The following RBMS3 variants were observed in gnomAD, a reference collection of about 807,000 sequenced individuals.
RBMS3 encodes RNA-binding motif, single-stranded-interacting protein 3.
RBMS3 carries 27 observed loss-of-function variants against 66.8 expected under a neutral mutation model. That is an observed-to-expected ratio of 0.40 (90% CI 0.30 to 0.56). RBMS3 has a LOEUF of 0.56. RBMS3 is among the 20% of genes least tolerant of loss of function. The pLI is 0.40. For synonymous variants in RBMS3, 188 were observed against 183.0 expected (o/e 1.03, Z -0.22); for missense variants, 513 against 549.5 (o/e 0.93, Z 0.66).
intron 6 of RBMS3, among the ~76,000 whole-genome samples, chr3:29,778,726 G>T (rs1464582845): frequency 1.3e-5 from 2 of 151,738 alleles, no homozygotes; most frequent in Non-Finnish European, 3.0e-5. Context: ...TTCCCCTTTG[G>T]TAAAATGGGA....
At chr3:29,807,745 T>C (rs574597568) in intron 6 of RBMS3, among the ~76,000 whole-genome samples, 46 of 134,480 alleles carry the variant, frequency 3.4e-4, no homozygotes, top group African/African-American at 1.2e-3. Flanking sequence ...CTCAATCTCA[T>C]TGTAAAAATA....
At position 30,004,308 on chromosome 3, in the gene RBMS3, C is replaced by G. The variant is rs11923737; in HGVS notation, c.*446C>G. The G allele has an allele frequency of 3.3e-3, 504 of 151,954 alleles. 1 individual carries two copies. Among genetic ancestry groups the G allele is most frequent in the African/African-American group, 0.011 (458 of 41,180 alleles). 9.4% of individuals were successfully genotyped at this position (151,954 alleles called of 1,614,324 possible). ...ATAATTAAGCTACTTTCTCTTTTTC[C>G]CTTCTTGTTTTAATCTAGTGGGTTT... On this transcript the variant is annotated 3_prime_UTR_variant, in exon 15 of 15. Transcript: ENST00000383767.
At chr3:29,366,163 AT>A (rs1371107881) in intron 1 of RBMS3, among the ~76,000 whole-genome samples, 4 of 152,168 alleles carry the variant, frequency 2.6e-5, no homozygotes, top group African/African-American at 7.2e-5. Context: ...AGTCAGGTTT[AT>A]TTTTTTCATA....
At chr3:29,775,662 C>T (rs1171015765) in intron 6 of RBMS3, among the ~76,000 whole-genome samples, 4 of 152,038 alleles carry the variant, frequency 2.6e-5, no homozygotes, top group African/African-American at 9.7e-5. Context: ...GTTCATCTTA[C>T]ATCTGGACTT....
intron 6 of RBMS3, among the ~76,000 whole-genome samples, chr3:29,790,173 A>G (rs769426958): frequency 9.9e-5 from 15 of 152,196 alleles, no homozygotes; most frequent in Admixed American, 6.5e-5. Context: ...TAGAGAAAAT[A>G]CTTTTTGCTC....
chr3:29,921,827 T>G (rs1222156268), intron 10 of RBMS3, among the ~76,000 whole-genome samples: 1 of 152,178 alleles, frequency 6.6e-6, no homozygotes, highest in East Asian at 1.9e-4. Context: ...TTTAGAGTTA[T>G]TTCCTTCCTA....
chr3:29,680,696 T>C (rs74994214), intron 4 of RBMS3, among the ~76,000 whole-genome samples: 4,421 of 152,214 alleles, frequency 0.029, 200 homozygotes, highest in African/African-American at 0.099. Flanking sequence ...CAATGAACCT[T>C]TTACTATTCT....
intron 3 of RBMS3, among the ~76,000 whole-genome samples, chr3:29,585,897 A>G (rs1308672945): frequency 6.6e-6 from 1 of 152,120 alleles, no homozygotes. Context: ...TCATTTTACG[A>G]TAACATGCTG....
intron 1 of RBMS3, among the ~76,000 whole-genome samples, chr3:29,286,128 A>G (rs143581598): frequency 9.2e-5 from 14 of 152,278 alleles, no homozygotes; most frequent in African/African-American, 3.1e-4. Context: ...TTTTAGGTAC[A>G]ACTCCAAATA....
At chr3:29,670,214 T>G (rs1323603119) in intron 4 of RBMS3, among the ~76,000 whole-genome samples, 4 of 152,208 alleles carry the variant, frequency 2.6e-5, no homozygotes, top group Non-Finnish European at 5.9e-5. Flanking sequence ...CCTTCCCCCA[T>G]CTATAAATCT....
At chr3:29,909,905 A>C (rs2060474951) in intron 10 of RBMS3, among the ~76,000 whole-genome samples, 1 of 152,146 alleles carries the variant, frequency 6.6e-6, no homozygotes, top group African/African-American at 2.4e-5. Flanking sequence ...AACAGCAGGC[A>C]CAGCATTCTG....
chr3:29,582,195 T>TAGATAC (rs1553625660), intron 3 of RBMS3, among the ~76,000 whole-genome samples: 1 of 150,524 alleles, frequency 6.6e-6, no homozygotes, highest in African/African-American at 2.4e-5. Flanking sequence ...GATAGATAGA[T>TAGATAC]ACACACACAC....
At chr3:29,405,212 A>G (rs1018170158) in intron 1 of RBMS3, among the ~76,000 whole-genome samples, 2 of 152,164 alleles carry the variant, frequency 1.3e-5, no homozygotes, top group Non-Finnish European at 2.9e-5. Context: ...GGAAACTTTT[A>G]TGTTCTCTCT....
At chr3:29,718,803 A>G (rs2053519989) in intron 4 of RBMS3, among the ~76,000 whole-genome samples, 1 of 152,218 alleles carries the variant, frequency 6.6e-6, no homozygotes, top group African/African-American at 2.4e-5. Context: ...AGCCTCTGCA[A>G]TCCTGACCTG....
chr3:29,984,962 C>A (rs990519341), intron 12 of RBMS3, among the ~76,000 whole-genome samples: 1 of 152,208 alleles, frequency 6.6e-6, no homozygotes, highest in Non-Finnish European at 1.5e-5. Context: ...TCAGAGCCAG[C>A]AGGCAGGAAC....
Position 29,431,301 on chromosome 3 carries a change from CT to C in RBMS3, c.76-3430del, listed in dbSNP as rs548031550. The stretch of plus-strand genomic sequence containing the variant: ...TGTTTCTTTCTTTCTTTTTCCTTTT[CT>C]TTTTTTTTTTTGACAGAGTCTCACT... On this transcript the variant is annotated intron_variant, in intron 1 of 14. Transcript: ENST00000383767. Among the ~76,000 whole-genome samples the C allele has an allele frequency of 2.8e-3, 376 of 132,330 alleles. 5 individuals are homozygous for C. Among genetic ancestry groups the C allele is most frequent in the Non-Finnish European group, 4.2e-3 (268 of 63,930 alleles). 86.8% of individuals were successfully genotyped at this position (132,330 alleles called of 152,430 possible). A position where few individuals can be genotyped will look rare whatever the true frequency, so the allele number is the denominator to read the frequency against.
At chr3:29,596,477 C>T (rs1327628197) in intron 4 of RBMS3, among the ~76,000 whole-genome samples, 2 of 152,184 alleles carry the variant, frequency 1.3e-5, no homozygotes, top group Non-Finnish European at 2.9e-5. Context: ...AGCCTTAATG[C>T]TGGTGAATAG....
At chr3:29,770,595 C>T (rs1363263133) in intron 6 of RBMS3, among the ~76,000 whole-genome samples, 2 of 151,968 alleles carry the variant, frequency 1.3e-5, no homozygotes, top group African/African-American at 4.8e-5. Context: ...TAACTTATTT[C>T]TAAAATACTG....
At chr3:29,940,766 A>C (rs1016125183) in intron 11 of RBMS3, among the ~76,000 whole-genome samples, 1 of 151,806 alleles carries the variant, frequency 6.6e-6, no homozygotes, top group Non-Finnish European at 1.5e-5. Flanking sequence ...CTCAAAAAAA[A>C]AAAAAGTGCA....
Sources: allele counts gnomAD v4.1 joint callset (sites outside exome capture counted in the v4.1 genomes callset), GRCh38; gene constraint gnomAD v4.1.1; transcripts MANE v1.5; gene names NCBI Gene and HGNC (gene_info 2026-07-23, HGNC 2026-07-21).